BTBD9: variants seen among roughly 807,000 people sequenced by gnomAD.
BTBD9 encodes the protein BTB domain containing 9.
BTBD9 carries 49 observed loss-of-function variants against 64.3 expected under a neutral mutation model. The observed-to-expected ratio is 0.76, with a 90% CI of 0.61 to 0.97. The LOEUF is 0.97. Among genes scored for constraint, BTBD9 ranks in the 50% least tolerant of loss-of-function variants. The pLI is 0.00. For synonymous variants in BTBD9, 260 were observed against 274.7 expected, an observed-to-expected ratio of 0.95 and a Z score of 0.53; for missense variants, 598 against 762.1, an observed-to-expected ratio of 0.78 and a Z score of 2.53.
At chr6:38,298,940 T>C (rs1762270870) in intron 7 of BTBD9, among the ~76,000 whole-genome samples, 1 of 152,048 alleles carries the variant, frequency 6.6e-6, no homozygotes, top group South Asian at 2.1e-4. Context: ...TGTGCCATGT[T>C]GGTGTGCTGC....
chr6:38,622,573 CA>C (rs1436095483), intron 1 of BTBD9, among the ~76,000 whole-genome samples: 2 of 152,162 alleles, frequency 1.3e-5, no homozygotes, highest in Admixed American at 6.5e-5. Context: ...ATAGGATACG[CA>C]ATCCAGCTTT....
At position 38,171,555 on chromosome 6, in the gene BTBD9, GGTGTGTGTGTGTGTGTGTGTGTGTGTGT is replaced by G. The variant is rs56046321; in HGVS notation, c.*3402_*3429del. 3 of 122,944 alleles carry G rather than the reference GGTGTGTGTGTGTGTGTGTGTGTGTGTGT, an allele frequency of 2.4e-5. No homozygotes were observed. The highest frequency in any genetic ancestry group is 3.3e-5 in the African/African-American group (1 of 30,468). The allele number at this position is 122,944 out of a possible 1,614,324, so 7.6% of individuals were successfully genotyped here. On this transcript the variant is annotated 3_prime_UTR_variant, in exon 11 of 11. Transcript: ENST00000481247. ...AAAGCACTGAGAAAATGGTAAAACG[GGTGTGTGTGTGTGTGTGTGTGTGTGTGT>G]GTGTGTGTGTGTGTGTGTGTGAGAG...
In BTBD9 at chr6:38,580,376, T is replaced by C. The variant is rs751197670; in HGVS notation, c.876A>G (p.Lys292=). 2.5e-6 allele frequency: 4 copies of C among 1,614,256 alleles called. No individual in the cohort carries two copies. The highest frequency in any genetic ancestry group is 3.3e-5 in the Admixed American group (2 of 60,030). The change falls in exon 5 of 11, where the codon AAA becomes AAG. Residue 292 remains lysine (K), a synonymous_variant. Coordinates refer to ENST00000481247, the MANE Select transcript of BTBD9 (RefSeq NM_001099272.2). ...GAGTATCACCATCTAATAAGGCTGA[T>C]TTCAGCTCCCCCTTTACAACTTGGG... ...YGAQVVKGEL[K]SALLDGDTQN...
intron 6 of BTBD9, among the ~76,000 whole-genome samples, chr6:38,355,494 C>G (rs1764690320): frequency 6.6e-6 from 1 of 152,130 alleles, no homozygotes; most frequent in Non-Finnish European, 1.5e-5. Context: ...AGCATTAGTG[C>G]TAAGCCAGTG....
At chr6:38,217,384 T>C (rs1174227601) in intron 9 of BTBD9, among the ~76,000 whole-genome samples, 1 of 144,928 alleles carries the variant, frequency 6.9e-6, no homozygotes, top group Non-Finnish European at 1.5e-5. Context: ...CTATGCTCCA[T>C]CAGGTAGAAG....
rs531448867 is a variant in BTBD9, at chr6:38,457,880, T to A, written c.1155-112787A>T. On this transcript the variant is annotated intron_variant, in intron 6 of 10. Transcript: ENST00000481247. ...ATCCACAGATCATGTCTTTTTCATA[T>A]CTGTAATTAACAAATCGTATTGCCT... Among the ~76,000 whole-genome samples the A allele has an allele frequency of 4.6e-5, 7 of 152,304 alleles. No individual in the cohort carries two copies. The East Asian group carries it at 1.2e-3, about 25-fold the overall frequency.
At chr6:38,441,156 A>C (rs2127314564) in intron 6 of BTBD9, among the ~76,000 whole-genome samples, 1 of 152,294 alleles carries the variant, frequency 6.6e-6, no homozygotes, top group South Asian at 2.1e-4. Context: ...ACACAATTCC[A>C]GGCCCAAAGT....
chr6:38,374,092 G>A (rs916663146), intron 6 of BTBD9, among the ~76,000 whole-genome samples: 1 of 150,402 alleles, frequency 6.6e-6, no homozygotes, highest in African/African-American at 2.5e-5. Context: ...CCAACATGGT[G>A]AAACCCATCT....
chr6:38,240,847 C>T (rs558771631), intron 9 of BTBD9, among the ~76,000 whole-genome samples: 1 of 152,242 alleles, frequency 6.6e-6, no homozygotes, highest in East Asian at 1.9e-4. Flanking sequence ...TTGAGGCTTT[C>T]AATTAGCCTA....
chr6:38,180,966 T>C (rs942493096), intron 10 of BTBD9, among the ~76,000 whole-genome samples: 8 of 152,204 alleles, frequency 5.3e-5, no homozygotes, highest in Non-Finnish European at 8.8e-5. Flanking sequence ...ATTCACCACA[T>C]ACTGGAGATA....
intron 9 of BTBD9, among the ~76,000 whole-genome samples, chr6:38,202,332 C>T (rs911436792): frequency 3.3e-5 from 5 of 151,634 alleles, no homozygotes; most frequent in African/African-American, 9.7e-5. Flanking sequence ...TGAACCACCT[C>T]GGCCTCCCAA....
intron 8 of BTBD9, among the ~76,000 whole-genome samples, chr6:38,267,865 A>C (rs113568526): frequency 0.081 from 12,265 of 152,282 alleles, 646 homozygotes; most frequent in Non-Finnish European, 0.13. Flanking sequence ...GTGTGAACCC[A>C]GGAAGCAGAG....
chr6:38,460,940 T>A (rs1003942343), intron 6 of BTBD9, among the ~76,000 whole-genome samples: 1 of 152,214 alleles, frequency 6.6e-6, no homozygotes, highest in Non-Finnish European at 1.5e-5. Context: ...CTGGGTTTTT[T>A]TAAAGGCTGG....
chr6:38,494,455 C>T (rs939583902), intron 6 of BTBD9, among the ~76,000 whole-genome samples: 1 of 152,214 alleles, frequency 6.6e-6, no homozygotes, highest in Non-Finnish European at 1.5e-5. Flanking sequence ...TCTCTATACG[C>T]CTCAGATAAT....
intron 1 of BTBD9, among the ~76,000 whole-genome samples, chr6:38,630,300 A>G (rs1036183739): frequency 3.3e-5 from 5 of 151,628 alleles, no homozygotes; most frequent in African/African-American, 1.2e-4. Flanking sequence ...TGTGTGTTGG[A>G]TTTTTATTGT....
rs928496568 is a variant in BTBD9, at chr6:38,509,609, TA to T, written c.1154+67990del. On this transcript the variant is annotated intron_variant, in intron 6 of 10. Transcript: ENST00000481247. The stretch of plus-strand genomic sequence containing the variant: ...TGAACCTTTTAGAGACAAAAATAAC[TA>T]CACAATACTTTAGTAGCAAGCATGT... Among the ~76,000 whole-genome samples the T allele has an allele frequency of 1.9e-4, 29 of 152,080 alleles. 1 individual carries two copies. Among genetic ancestry groups the T allele is most frequent in the African/African-American group, 7.0e-4 (29 of 41,514 alleles).
chr6:38,618,598 T>C (rs536372530), intron 1 of BTBD9, among the ~76,000 whole-genome samples: 1 of 152,156 alleles, frequency 6.6e-6, no homozygotes, highest in African/African-American at 2.4e-5. Flanking sequence ...CTATCGGTTA[T>C]GTCCCCTTCA....
intron 7 of BTBD9, among the ~76,000 whole-genome samples, chr6:38,298,574 C>G (rs1297492337): frequency 6.6e-6 from 1 of 152,170 alleles, no homozygotes; most frequent in Non-Finnish European, 1.5e-5. Flanking sequence ...GTCCCCTACT[C>G]TACCAACAAA....
At chr6:38,296,970 C>A (rs919225716) in intron 7 of BTBD9, among the ~76,000 whole-genome samples, 2 of 152,150 alleles carry the variant, frequency 1.3e-5, no homozygotes, top group Non-Finnish European at 2.9e-5. Flanking sequence ...TGTATATTCT[C>A]TAATTTGGGG....
Sources: allele counts gnomAD v4.1 joint callset (sites outside exome capture counted in the v4.1 genomes callset), GRCh38; gene constraint gnomAD v4.1.1; transcripts MANE v1.5; gene names NCBI Gene and HGNC (gene_info 2026-07-23, HGNC 2026-07-21).